Variants in RBM45 observed in about 807,000 individuals in gnomAD.
RBM45 encodes the protein RNA binding motif protein 45.
RBM45 carries 39 observed loss-of-function variants against 58.5 expected under a neutral mutation model. The observed-to-expected ratio is 0.67, with a 90% CI of 0.52 to 0.87. RBM45 has a LOEUF of 0.87. Ranked by LOEUF, RBM45 falls within the 40% of genes least tolerant of loss-of-function variation. The pLI, the probability that RBM45 is intolerant of heterozygous loss-of-function variation, is 0.00. For synonymous variants in RBM45, 193 were observed against 203.0 expected (o/e 0.95, Z 0.42); for missense variants, 481 against 581.6 (o/e 0.83, Z 1.78).
chr2:178,120,720 A>C (rs990436738), intron 4 of RBM45, among the ~76,000 whole-genome samples: 13 of 152,266 alleles, frequency 8.5e-5, no homozygotes, highest in African/African-American at 2.6e-4. Flanking sequence ...AAAACTTAAA[A>C]AGACATATGT....
Position 178,126,061 on chromosome 2 carries a change from G to A in RBM45, c.1310G>A (p.Ser437Asn). 6.2e-7 allele frequency: 1 copy of A among 1,613,912 alleles called. No individual in the cohort carries two copies. Among genetic ancestry groups the A allele is most frequent in the Non-Finnish European group, 8.5e-7 (1 of 1,179,824 alleles). The change falls in exon 9 of 10, where the codon AGT becomes AAT. Residue 437 changes from serine (S) to asparagine (N), a missense_variant. Coordinates refer to ENST00000286070, the MANE Select transcript of RBM45 (RefSeq NM_152945.4). The part of the protein sequence containing the change: ...VGYAKYADRI[S>N]ANDAIATLHG... ...TATGCCAAGTATGCCGATAGAATAA[G>A]TGCTAATGATGCCATTGCCACTCTA... is the stretch of plus-strand genomic sequence containing the variant.
intron 3 of RBM45, among the ~76,000 whole-genome samples, chr2:178,119,269 G>A (rs1305004004): frequency 6.6e-6 from 1 of 152,192 alleles, no homozygotes; most frequent in Non-Finnish European, 1.5e-5. Context: ...GTCTGTCAAT[G>A]GTGAAAAACA....
chr2:178,117,371 A>G (rs1028464226), intron 2 of RBM45, among the ~76,000 whole-genome samples: 4 of 152,194 alleles, frequency 2.6e-5, no homozygotes, highest in African/African-American at 9.6e-5. Flanking sequence ...AATTGATTAC[A>G]TAAGAATTTA....
At chr2:178,133,707 A>T (rs182235628), downstream of RBM45, among the ~76,000 whole-genome samples, 408 of 152,338 alleles carry the variant, frequency 2.7e-3, 3 homozygotes, top group African/African-American at 9.4e-3. Context: ...GCTTTGTTCC[A>T]TATGTGGATG....
At chr2:178,133,832 T>A (rs986584423), downstream of RBM45, 2 of 152,220 alleles carry the variant, frequency 1.3e-5, no homozygotes, top group East Asian at 3.8e-4. Context: ...TGAATTCTAA[T>A]AAATGGATTG....
chr2:178,132,205 C>T (rs1365107414), downstream of RBM45, among the ~76,000 whole-genome samples: 1 of 152,172 alleles, frequency 6.6e-6, no homozygotes, highest in Non-Finnish European at 1.5e-5. Flanking sequence ...TTACTGAAAG[C>T]AACTGTCAAA....
chr2:178,120,239 G>A lies in RBM45; in HGVS notation c.551-48G>A, dbSNP rs1345516786. 3 of 1,609,174 alleles carry A rather than the reference G, an allele frequency of 1.9e-6. No individual in the cohort carries two copies. The African/African-American group carries it at 4.0e-5, about 22-fold the overall frequency. ...GCACTAGCAATCAAGTATATTTGCA[G>A]GTATGTTAAATTTGCTGTGAAACTT... On this transcript the variant is annotated intron_variant, in intron 3 of 9. Transcript: ENST00000286070.
Position 178,124,255 on chromosome 2 carries a change from TCC to T in RBM45, c.1198_1199del (p.Pro400PhefsTer15), listed in dbSNP as rs772239481. 6.3e-7 allele frequency: 1 copy of T among 1,590,610 alleles called. No individual in the cohort carries two copies. Among genetic ancestry groups the T allele is most frequent in the South Asian group, 1.2e-5 (1 of 85,858 alleles). On this transcript the variant is annotated frameshift_variant, in exon 8 of 10. Transcript: ENST00000286070. LOFTEE classifies it high-confidence loss of function. ...ERLFIVFNPH[P>X]LPLDVLEDIF... ...GACTTTTTATTGTGTTTAATCCTCA[TCC>T]TTTACCTTTAGACGTATTAGAAGAT...
At chr2:178,117,647 A>T (rs1299721776) in intron 2 of RBM45, among the ~76,000 whole-genome samples, 1 of 152,208 alleles carries the variant, frequency 6.6e-6, no homozygotes, top group Non-Finnish European at 1.5e-5. Context: ...CCCTTAAACA[A>T]CCCTGTGAGG....
At chr2:178,127,717 G>T (rs2153906301) in intron 9 of RBM45, among the ~76,000 whole-genome samples, 1 of 152,276 alleles carries the variant, frequency 6.6e-6, no homozygotes, top group East Asian at 1.9e-4. Context: ...TGTTAAGAAT[G>T]AATTCTGTTT....
chr2:178,115,860 A>T (rs1320412192), intron 1 of RBM45, among the ~76,000 whole-genome samples: 1 of 152,232 alleles, frequency 6.6e-6, no homozygotes, highest in Non-Finnish European at 1.5e-5. Context: ...TCATAAAAAA[A>T]AGTCATTGCA....
intron 1 of RBM45, among the ~76,000 whole-genome samples, chr2:178,115,888 C>A (rs1217237560): frequency 6.6e-6 from 1 of 152,090 alleles, no homozygotes; most frequent in Non-Finnish European, 1.5e-5. Flanking sequence ...CACAGTGGCT[C>A]ACACCTGTAA....
intron 1 of RBM45, 86 bp from the exon 2 acceptor site, chr2:178,116,176 T>G: frequency 2.0e-6 from 3 of 1,476,282 alleles, no homozygotes; most frequent in Non-Finnish European, 2.7e-6. Context: ...AAAAAGTCAT[T>G]GCAAGAATAA....
In RBM45 at chr2:178,126,107, G is replaced by A; in HGVS notation, c.1356G>A (p.Gly452=). 2.5e-6 allele frequency: 4 copies of A among 1,613,956 alleles called. No individual in the cohort carries two copies. Among genetic ancestry groups the A allele is most frequent in the Non-Finnish European group, 3.4e-6 (4 of 1,179,884 alleles). ...CTCTACATGGAAAGATTCTGAATGGGGTGAGACTTAAAGTTATGCTGGCAG... is the reference window on the plus strand; with the variant it reads ...CTCTACATGGAAAGATTCTGAATGGAGTGAGACTTAAAGTTATGCTGGCAG... The part of the protein sequence containing the change: ...IATLHGKILN[G]VRLKVMLADS... Residue 452 remains glycine (G), a synonymous_variant, in exon 9 of 10, where the codon GGG becomes GGA. Transcript: ENST00000286070.
intron 1 of RBM45, 101 bp from the exon 2 acceptor site, chr2:178,116,161 T>A: frequency 7.1e-7 from 1 of 1,418,382 alleles, no homozygotes; most frequent in Non-Finnish European, 9.4e-7. Flanking sequence ...GTCTCAAAGA[T>A]TAAAAAAAAG....
At chr2:178,117,496 A>T (rs564001063) in intron 2 of RBM45, among the ~76,000 whole-genome samples, 5 of 152,328 alleles carry the variant, frequency 3.3e-5, no homozygotes, top group African/African-American at 9.6e-5. Context: ...TATTTTAGAA[A>T]TACCCTTTGA....
At chr2:178,119,396 T>C (rs1159451440) in intron 3 of RBM45, among the ~76,000 whole-genome samples, 1 of 152,184 alleles carries the variant, frequency 6.6e-6, no homozygotes, top group African/African-American at 2.4e-5. Flanking sequence ...GGAATAAACA[T>C]GTGTTTTGCT....
chr2:178,123,560 A>T lies in RBM45; in HGVS notation c.892A>T (p.Ile298Phe), dbSNP rs115290266. ...VVQYFNVASA[I>F]YAKYKLHGFQ... ...TCAGTATTTTAATGTAGCATCAGCT[A>T]TTTATGCAAAATACAAATTACATGG... is the stretch of plus-strand genomic sequence containing the variant. The change falls in exon 6 of 10, where the codon ATT (isoleucine) becomes TTT (phenylalanine). Residue 298 changes from isoleucine to phenylalanine, a missense_variant. By Grantham distance (21) the Ile-to-Phe change is conservative. Coordinates refer to ENST00000286070, the MANE Select transcript of RBM45 (RefSeq NM_152945.4). 7 of 1,605,496 alleles carry T rather than the reference A, an allele frequency of 4.4e-6. No homozygotes were observed. The Admixed American group carries it at 1.0e-4, about 24-fold the overall frequency.
intron 9 of RBM45, among the ~76,000 whole-genome samples, chr2:178,128,499 A>G (rs185164831): frequency 1.3e-5 from 2 of 152,314 alleles, no homozygotes; most frequent in Admixed American, 1.3e-4. Flanking sequence ...ATGATATAAA[A>G]CTACCTTGTG....
Sources: allele counts gnomAD v4.1 joint callset (sites outside exome capture counted in the v4.1 genomes callset), GRCh38; gene constraint gnomAD v4.1.1; transcripts MANE v1.5; gene names NCBI Gene and HGNC (gene_info 2026-07-23, HGNC 2026-07-21).